Variants in ZC3H4 observed in about 807,000 individuals in gnomAD.
The protein encoded by ZC3H4 is zinc finger CCCH domain-containing protein 4.
In ZC3H4, 13 loss-of-function variants were observed where a neutral mutation model predicts 108.3. That is an observed-to-expected ratio of 0.12 (90% CI 0.08 to 0.19). The LOEUF is 0.19. Ranked by LOEUF, ZC3H4 falls within the 10% of genes least tolerant of loss-of-function variation. The probability of loss-of-function intolerance (pLI) is 1.00; values close to 1 mark genes in which losing one functional copy is unlikely to be tolerated. For missense variants in ZC3H4, 1,734 were observed against 1,838.8 expected (o/e 0.94, Z 1.04); for synonymous variants, 917 against 749.6 (o/e 1.22, Z -3.65).
intron 2 of ZC3H4, chr19:47,110,874 A>C (rs563481883): frequency 3.1e-6 from 3 of 983,322 alleles, no homozygotes; most frequent in Middle Eastern, 5.2e-4. Context: ...AACAGAAAAA[A>C]AAAATGTTGT....
chr19:47,089,455 G>T (rs1362571132), intron 5 of ZC3H4, among the ~76,000 whole-genome samples: 1 of 152,172 alleles, frequency 6.6e-6, no homozygotes, highest in African/African-American at 2.4e-5. Flanking sequence ...GGGATTACAG[G>T]CATGGGCCAC....
At chr19:47,101,241 G>A (rs1039472380) in intron 2 of ZC3H4, among the ~76,000 whole-genome samples, 16 of 151,882 alleles carry the variant, frequency 1.1e-4, no homozygotes, top group African/African-American at 3.4e-4. Flanking sequence ...AGGCTAAGGC[G>A]AGAGGATCGA....
chr19:47,092,297 G>C (rs1184029702), intron 4 of ZC3H4, among the ~76,000 whole-genome samples: 1 of 152,162 alleles, frequency 6.6e-6, no homozygotes, highest in Non-Finnish European at 1.5e-5. Flanking sequence ...TAGACACACA[G>C]ACACACATAC....
intron 11 of ZC3H4, among the ~76,000 whole-genome samples, chr19:47,080,855 G>C (rs763534402): frequency 2.0e-5 from 3 of 152,038 alleles, no homozygotes; most frequent in Non-Finnish European, 4.4e-5. Context: ...CAGGTCTTGA[G>C]AACCTGGCCT....
At chr19:47,071,029 C>T (rs182184979) in intron 13 of ZC3H4, among the ~76,000 whole-genome samples, 62 of 152,358 alleles carry the variant, frequency 4.1e-4, no homozygotes, top group African/African-American at 1.4e-3. Flanking sequence ...CCCATCATTC[C>T]TCACGTTGTG....
rs1360649675 is a variant in ZC3H4 at position 47,067,464 on chromosome 19, T to C, written c.2804A>G (p.Lys935Arg). 6.3e-7 allele frequency: 1 copy of C among 1,585,186 alleles called. No homozygotes were observed. The highest frequency in any genetic ancestry group is 8.6e-7 in the Non-Finnish European group (1 of 1,164,508). ...EEEGERALRE[K>R]AVNIPLDPLP... is the part of the protein sequence containing the mutation. ...TGGGTCCAGGGGAATGTTCACGGCC[T>C]TCTCCCGCAGGGCCCGCTCCCCTTC... Residue 935 changes from lysine to arginine, a missense_variant, in exon 15 of 15, where the codon AAG becomes AGG. By Grantham distance (26) the Lys-to-Arg change is conservative. Coordinates refer to ENST00000253048, the MANE Select transcript of ZC3H4 (RefSeq NM_015168.2). The surrounding 1 kb of genome is among the most constrained non-coding windows in gnomAD (Gnocchi z 6.4).
intron 6 of ZC3H4, 59 bp from the exon 7 acceptor site, chr19:47,085,473 CCCA>C: frequency 7.1e-7 from 1 of 1,405,854 alleles, no homozygotes; most frequent in Non-Finnish European, 9.6e-7. Context: ...GAACACTGTC[CCCA>C]CCTACACACT....
At chr19:47,109,911 G>A (rs930994127) in intron 2 of ZC3H4, among the ~76,000 whole-genome samples, 2 of 152,174 alleles carry the variant, frequency 1.3e-5, no homozygotes, top group Non-Finnish European at 2.9e-5. Context: ...GGTTCTGCAA[G>A]TCATTTCTGT....
chr19:47,096,832 G>A (rs2057828677), intron 2 of ZC3H4: 1 of 985,254 alleles, frequency 1.0e-6, no homozygotes, highest in Non-Finnish European at 1.2e-6. Context: ...AAGAAACTTG[G>A]TCCACAAGGC....
chr19:47,073,812 G>C (rs927789513), intron 11 of ZC3H4, among the ~76,000 whole-genome samples: 1 of 152,198 alleles, frequency 6.6e-6, no homozygotes, highest in African/African-American at 2.4e-5. Flanking sequence ...CGCTGTGTGC[G>C]ATGGGCGCTT....
chr19:47,094,757 G>T (rs1340033233), intron 2 of ZC3H4, 149 bp from the exon 3 acceptor site: 5 of 741,742 alleles, frequency 6.7e-6, no homozygotes, highest in African/African-American at 5.3e-5. Context: ...ATGGCCTCTT[G>T]TTCCATCCCT....
In ZC3H4 at chr19:47,067,417, C is replaced by A; in HGVS notation, c.2851G>T (p.Asp951Tyr). The stretch of plus-strand genomic sequence containing the variant: ...AACTGCTGCAGCTGTGACCGTGGGT[C>A]CCGCAGAGGGTGCCCGGGGAGTGGG... ...LDPLPGHPLR[D>Y]PRSQLQQFSH... The change falls in exon 15 of 15, where the codon GAC (aspartate) becomes TAC (tyrosine). Residue 951 changes from aspartate (D) to tyrosine (Y), a missense_variant. Transcript: ENST00000253048. This position sits in a 1 kb window ranked among gnomAD's most constrained non-coding sequence, Gnocchi z 6.4. 6.2e-7 allele frequency: 1 copy of A among 1,607,130 alleles called. No individual in the cohort carries two copies. Among genetic ancestry groups the A allele is most frequent in the South Asian group, 1.1e-5 (1 of 90,236 alleles).
intron 2 of ZC3H4, among the ~76,000 whole-genome samples, chr19:47,104,039 C>A (rs2057938382): frequency 6.6e-6 from 1 of 152,154 alleles, no homozygotes; most frequent in South Asian, 2.1e-4. Context: ...AATTTCTTAG[C>A]CAGGCGCAGT....
At position 47,069,348 on chromosome 19, in the gene ZC3H4, G is replaced by C; in HGVS notation, c.2147-5C>G. 6.2e-7 allele frequency: 1 copy of C among 1,611,510 alleles called. No individual in the cohort carries two copies. The highest frequency in any genetic ancestry group is 1.1e-5 in the South Asian group (1 of 90,684). ...CTTCGTAGTGCCCGTAGTCCTCTGTGGCAGGGAAGAACCGAGGGTTCATGT... is the reference window on the plus strand; with the variant it reads ...CTTCGTAGTGCCCGTAGTCCTCTGTCGCAGGGAAGAACCGAGGGTTCATGT... On this transcript the variant is annotated splice_region_variant and splice_polypyrimidine_tract_variant and intron_variant, in intron 13 of 14. Transcript: ENST00000253048.
At position 47,065,520 on chromosome 19, in the gene ZC3H4, C is replaced by T. The variant is rs921068397; in HGVS notation, c.*836G>A. ...CTGGTGTGGGCAAGCAGGGTGTGGCCCACCTGATAGGACAGGTGGGGTAAT... is the reference window on the plus strand; with the variant it reads ...CTGGTGTGGGCAAGCAGGGTGTGGCTCACCTGATAGGACAGGTGGGGTAAT... On this transcript the variant is annotated 3_prime_UTR_variant, in exon 15 of 15. Transcript: ENST00000253048. The T allele has an allele frequency of 6.6e-6, 1 of 152,650 alleles. No homozygotes were observed. Among genetic ancestry groups the T allele is most frequent in the Admixed American group, 6.5e-5 (1 of 15,268 alleles). 9.5% of individuals were successfully genotyped at this position (152,650 alleles called of 1,614,324 possible).
At position 47,111,969 on chromosome 19, in the gene ZC3H4, T is replaced by C. The variant is rs1346044115; in HGVS notation, c.161+455A>G. On this transcript the variant is annotated intron_variant, in intron 2 of 14. Coordinates refer to ENST00000253048, the MANE Select transcript of ZC3H4 (RefSeq NM_015168.2). ...TTGTTCGAGATCCCCCCAAAAAGGG[T>C]CCGGAGCCCCTCCCCCATCCCCTTC... is the stretch of plus-strand genomic sequence containing the variant. 2.0e-5 allele frequency among the ~76,000 whole-genome samples: 3 copies of C among 151,430 alleles called. No homozygotes were observed. The East Asian group carries it at 5.9e-4, about 30-fold the overall frequency.
chr19:47,071,869 C>A lies in ZC3H4; in HGVS notation c.2055G>T (p.Met685Ile), dbSNP rs771859235. 6.2e-7 allele frequency: 1 copy of A among 1,613,362 alleles called. No homozygotes were observed. Among genetic ancestry groups the A allele is most frequent in the Non-Finnish European group, 8.5e-7 (1 of 1,179,752 alleles). The change falls in exon 13 of 15, where the codon ATG becomes ATT. Residue 685 changes from methionine to isoleucine, a missense_variant. Physicochemically the swap from Met to Ile is conservative, Grantham distance 10. Coordinates refer to ENST00000253048, the MANE Select transcript of ZC3H4 (RefSeq NM_015168.2). ...AGTTCTGGGCTGGCGGGATAGGGGGCATCATTCCAGAATGTGGGGAGTCTC... is the reference window on the plus strand; with the variant it reads ...AGTTCTGGGCTGGCGGGATAGGGGGAATCATTCCAGAATGTGGGGAGTCTC... The part of the protein sequence containing the change: ...GPGDSPHSGM[M>I]PPIPPAQNFY...
intron 2 of ZC3H4, among the ~76,000 whole-genome samples, chr19:47,105,393 G>A (rs55959460): frequency 0.011 from 1,685 of 152,230 alleles, 21 homozygotes; most frequent in African/African-American, 0.039. Flanking sequence ...TCGAGGTCAC[G>A]AGTTCAAGAC....
At chr19:47,080,139 A>C (rs571994295) in intron 11 of ZC3H4, among the ~76,000 whole-genome samples, 1 of 152,314 alleles carries the variant, frequency 6.6e-6, no homozygotes, top group South Asian at 2.1e-4. Flanking sequence ...CCAATCTCCT[A>C]GAACCTCCTT....
Sources: allele counts gnomAD v4.1 joint callset (sites outside exome capture counted in the v4.1 genomes callset), GRCh38; gene constraint gnomAD v4.1.1; non-coding constraint Gnocchi (gnomAD v3.1); transcripts MANE v1.5; gene names NCBI Gene and HGNC (gene_info 2026-07-23, HGNC 2026-07-21).